The following CRY1 variants were observed in gnomAD, a reference collection of about 807,000 sequenced individuals.
CRY1 encodes cryptochrome circadian regulator 1.
CRY1 carries 45 observed loss-of-function variants against 76.0 expected under a neutral mutation model. That is an observed-to-expected ratio of 0.59 (90% CI 0.47 to 0.76). The LOEUF (loss-of-function observed/expected upper bound fraction) is 0.76, where lower values mean the gene tolerates loss of function less well. Among genes scored for constraint, CRY1 ranks in the 30% least tolerant of loss-of-function variants. The probability of loss-of-function intolerance (pLI) is 0.00; values close to 1 mark genes in which losing one functional copy is unlikely to be tolerated. For missense variants in CRY1, 587 were observed against 716.4 expected (o/e 0.82, Z 2.06); for synonymous variants, 248 against 244.0 (o/e 1.02, Z -0.15).
intron 1 of CRY1, among the ~76,000 whole-genome samples, chr12:107,030,994 A>G (rs1952668145): frequency 6.6e-6 from 1 of 152,198 alleles, no homozygotes; most frequent in Non-Finnish European, 1.5e-5. Flanking sequence ...ATTCTCCCCA[A>G]CACAAGCTTT....
chr12:107,084,505 C>G (rs930829676), intron 1 of CRY1, among the ~76,000 whole-genome samples: 2 of 152,136 alleles, frequency 1.3e-5, no homozygotes, highest in Non-Finnish European at 2.9e-5. Context: ...TGGAACAGAA[C>G]AGAGGCCTCA....
At chr12:107,053,088 A>G (rs992273082) in intron 1 of CRY1, among the ~76,000 whole-genome samples, 4 of 152,250 alleles carry the variant, frequency 2.6e-5, no homozygotes, top group African/African-American at 7.2e-5. Flanking sequence ...ACATGTTTAA[A>G]GTAAAAAAAG....
At chr12:107,034,948 T>C (rs1019913369) in intron 1 of CRY1, among the ~76,000 whole-genome samples, 3 of 152,168 alleles carry the variant, frequency 2.0e-5, no homozygotes, top group Admixed American at 2.0e-4. Context: ...AGTCCAGAAA[T>C]TGTATTAGTT....
chr12:107,009,602 A>ATATATATATATATATAT (rs1566245665), intron 2 of CRY1, among the ~76,000 whole-genome samples: 1 of 20,464 alleles, frequency 4.9e-5, no homozygotes, highest in Non-Finnish European at 9.3e-5. Flanking sequence ...ATATATATAT[A>ATATATATATATATATAT]AAATCTCTAT....
intron 1 of CRY1, among the ~76,000 whole-genome samples, chr12:107,036,899 A>G (rs997198071): frequency 6.6e-6 from 1 of 152,088 alleles, no homozygotes; most frequent in Non-Finnish European, 1.5e-5. Flanking sequence ...TATCTAAAAT[A>G]GACCTCTCCC....
intron 1 of CRY1, among the ~76,000 whole-genome samples, chr12:107,090,152 C>T (rs986459609): frequency 6.6e-5 from 10 of 151,722 alleles, no homozygotes; most frequent in African/African-American, 1.9e-4. Context: ...TGCAGTGGCA[C>T]GATCTCGCCT....
intron 1 of CRY1, among the ~76,000 whole-genome samples, chr12:107,024,636 C>T (rs149023359): frequency 4.6e-5 from 7 of 152,278 alleles, no homozygotes; most frequent in Non-Finnish European, 1.0e-4. Context: ...CTCAGCCTCC[C>T]GAAGTGCTGG....
In CRY1 at chr12:107,093,203, G is replaced by A; in HGVS notation, c.-242C>T. ...AGTCCGGGTGTGACGCCCTTTAGGA[G>A]CCCGCGCCCGCCGCAACCGCCTGGA... On this transcript the variant is annotated 5_prime_UTR_variant, in exon 1 of 13. Transcript: ENST00000008527. The A allele has an allele frequency of 4.5e-6, 2 of 447,060 alleles. No homozygotes were observed. Among genetic ancestry groups the A allele is most frequent in the Non-Finnish European group, 7.8e-6 (2 of 257,384 alleles). 27.7% of individuals were successfully genotyped at this position (447,060 alleles called of 1,614,324 possible). A position where few individuals can be genotyped will look rare whatever the true frequency, so the allele number is the denominator to read the frequency against.
At chr12:107,018,415 T>C (rs986693093) in intron 2 of CRY1, among the ~76,000 whole-genome samples, 1 of 152,026 alleles carries the variant, frequency 6.6e-6, no homozygotes, top group South Asian at 2.1e-4. Flanking sequence ...GGCGAAACCC[T>C]TTCTCTGCTA....
chr12:107,039,671 G>A (rs192279145), intron 1 of CRY1, among the ~76,000 whole-genome samples: 1 of 152,274 alleles, frequency 6.6e-6, no homozygotes, highest in East Asian at 1.9e-4. Context: ...CAATGTGTTG[G>A]CAAGGATATG....
chr12:107,073,752 C>T (rs887503516), intron 1 of CRY1, among the ~76,000 whole-genome samples: 1 of 151,954 alleles, frequency 6.6e-6, no homozygotes, highest in Non-Finnish European at 1.5e-5. Context: ...GAAAAGACTG[C>T]CATTCCTTTT....
intron 1 of CRY1, among the ~76,000 whole-genome samples, chr12:107,048,965 T>C (rs1952882869): frequency 6.6e-6 from 1 of 152,242 alleles, no homozygotes; most frequent in African/African-American, 2.4e-5. Flanking sequence ...CCAGACATTA[T>C]ATTTAAAAAG....
At chr12:107,054,188 A>G (rs978954546) in intron 1 of CRY1, among the ~76,000 whole-genome samples, 3 of 152,126 alleles carry the variant, frequency 2.0e-5, no homozygotes, top group African/African-American at 7.2e-5. Flanking sequence ...CAGAGAAATG[A>G]CCAGAATTAG....
chr12:107,040,380 G>C (rs1952784917), intron 1 of CRY1, among the ~76,000 whole-genome samples: 1 of 148,486 alleles, frequency 6.7e-6, no homozygotes, highest in Non-Finnish European at 1.5e-5. Context: ...TCTGCCTCCT[G>C]GTTCAAGTGA....
Position 107,092,853 on chromosome 12 carries a change from G to A in CRY1, c.109C>T (p.Leu37=). Reference sequence around the variant, plus strand: ...GAGGAGCCGGCGAACCAGGGGTCCAGGATGTAGACGCAGCGGATGGTGTCG... The same window carrying A: ...GAGGAGCCGGCGAACCAGGGGTCCAAGATGTAGACGCAGCGGATGGTGTCG... ...GADTIRCVYI[L]DPWFAGSSNV... The change falls in exon 1 of 13, where the codon CTG becomes TTG. Residue 37 remains leucine (L), a synonymous_variant. Transcript: ENST00000008527. 1 of 1,611,418 alleles carries A rather than the reference G, an allele frequency of 6.2e-7. No homozygotes were observed. Among genetic ancestry groups the A allele is most frequent in the Non-Finnish European group, 8.5e-7 (1 of 1,179,736 alleles).
intron 3 of CRY1, among the ~76,000 whole-genome samples, chr12:107,003,889 G>A (rs543168825): frequency 1.6e-4 from 24 of 148,632 alleles, no homozygotes; most frequent in African/African-American, 4.2e-4. Context: ...TCACTGCAAC[G>A]TCTGCCTCCC....
chr12:107,065,304 G>C (rs532980319), intron 1 of CRY1, among the ~76,000 whole-genome samples: 1 of 150,588 alleles, frequency 6.6e-6, no homozygotes, highest in East Asian at 2.0e-4. Context: ...GAAAAAAAAG[G>C]AGTAAAGGCC....
chr12:107,066,948 T>G (rs1167812877), intron 1 of CRY1, among the ~76,000 whole-genome samples: 1 of 151,956 alleles, frequency 6.6e-6, no homozygotes, highest in Non-Finnish European at 1.5e-5. Context: ...TACAAGCACA[T>G]GTCACCACAC....
At chr12:107,070,696 T>G (rs1294345571) in intron 1 of CRY1, among the ~76,000 whole-genome samples, 1 of 149,172 alleles carries the variant, frequency 6.7e-6, no homozygotes, top group Admixed American at 6.7e-5. Context: ...ATTTATTTAT[T>G]TATTTATTTA....
Sources: gnomAD v4.1 joint callset for allele counts (sites outside exome capture counted in the v4.1 genomes callset) on GRCh38, gnomAD v4.1.1 for gene constraint, MANE v1.5 for transcripts, NCBI Gene and HGNC (gene_info 2026-07-23, HGNC 2026-07-21) for gene names.